Variants in CACNA2D2 observed in about 807,000 individuals in gnomAD.
CACNA2D2 encodes voltage-dependent calcium channel subunit alpha-2/delta-2.
In CACNA2D2, 48 loss-of-function variants were observed where a neutral mutation model predicts 166.4. That is an observed-to-expected ratio of 0.29 (90% CI 0.23 to 0.37). The LOEUF (loss-of-function observed/expected upper bound fraction) is 0.37, where lower values mean the gene tolerates loss of function less well. CACNA2D2 is among the 10% of genes least tolerant of loss of function. The probability of loss-of-function intolerance (pLI) is 1.00; values close to 1 mark genes in which losing one functional copy is unlikely to be tolerated. For synonymous variants in CACNA2D2, 561 were observed against 573.7 expected (o/e 0.98, Z 0.32); for missense variants, 1,122 against 1,433.0 (o/e 0.78, Z 3.50).
rs1410077672 is a variant in CACNA2D2, at chr3:50,434,376, C to G, written c.342G>C (p.Lys114Asn). Residue 114 changes from lysine to asparagine, a missense_variant, in exon 3 of 38, where the codon AAG (lysine) becomes AAC (asparagine). Lys to Asn is a moderately conservative substitution (Grantham distance 94). Transcript: ENST00000424201. ...LFEVQENEPQ[K>N]LVEKVAGDIE... is the part of the protein sequence containing the mutation. ...TGTCCCCTGCCACCTTCTCCACCAA[C>G]TTCTGAGGCTCATTCTCCTGTACCT... 18 of 1,614,220 alleles carry G rather than the reference C, an allele frequency of 1.1e-5. No individual in the cohort carries two copies. The highest frequency in any genetic ancestry group is 1.4e-5 in the Non-Finnish European group (17 of 1,180,034).
chr3:50,437,963 T>G (rs1018493327), intron 2 of CACNA2D2, among the ~76,000 whole-genome samples: 4 of 152,140 alleles, frequency 2.6e-5, no homozygotes, highest in African/African-American at 9.7e-5. Flanking sequence ...CAGCCCCACC[T>G]CTGCTGGACT....
chr3:50,370,589 G>C (rs368403850), intron 22 of CACNA2D2, among the ~76,000 whole-genome samples: 2 of 152,072 alleles, frequency 1.3e-5, no homozygotes, highest in Non-Finnish European at 2.9e-5. Context: ...CTACAGCATC[G>C]CAGGAGGAGG....
chr3:50,439,562 C>A (rs938269321), intron 2 of CACNA2D2, among the ~76,000 whole-genome samples: 2 of 152,240 alleles, frequency 1.3e-5, no homozygotes, highest in African/African-American at 2.4e-5. Context: ...ATCCCCTCAC[C>A]ACATTTCACC....
At chr3:50,454,768 C>T (rs559484569) in intron 2 of CACNA2D2, among the ~76,000 whole-genome samples, 1 of 152,280 alleles carries the variant, frequency 6.6e-6, no homozygotes, top group African/African-American at 2.4e-5. Context: ...CCCTGCTCCA[C>T]AGGGTGGCTG....
At chr3:50,416,171 A>T (rs1439215286) in intron 3 of CACNA2D2, 1 of 152,220 alleles carries the variant, frequency 6.6e-6, no homozygotes, top group Non-Finnish European at 1.5e-5. Context: ...GGGCTTGGAG[A>T]ATGGCCCATC....
chr3:50,476,275 G>A, intron 1 of CACNA2D2, 76 bp from the exon 2 acceptor site: 2 of 1,158,592 alleles, frequency 1.7e-6, no homozygotes, highest in Non-Finnish European at 2.5e-6. Context: ...CCAACCCGGG[G>A]GCACTGGGGG....
At chr3:50,438,630 G>T (rs772929817) in intron 2 of CACNA2D2, among the ~76,000 whole-genome samples, 3 of 152,190 alleles carry the variant, frequency 2.0e-5, no homozygotes, top group Admixed American at 6.5e-5. Context: ...CTGGGAGAGA[G>T]GAGTCCAACT....
intron 2 of CACNA2D2, among the ~76,000 whole-genome samples, chr3:50,449,409 C>A (rs994473406): frequency 6.6e-6 from 1 of 152,190 alleles, no homozygotes; most frequent in Non-Finnish European, 1.5e-5. Context: ...AGCAGTCGCC[C>A]AGGAGAGCTG....
intron 3 of CACNA2D2, among the ~76,000 whole-genome samples, chr3:50,406,697 T>A (rs1473956237): frequency 6.6e-6 from 1 of 151,702 alleles, no homozygotes; most frequent in Admixed American, 6.6e-5. Flanking sequence ...ACTTCCATCA[T>A]CACCATCTTC....
At chr3:50,384,131 C>T in intron 6 of CACNA2D2, 65 bp downstream of exon 6, 1 of 1,590,130 alleles carries the variant, frequency 6.3e-7, no homozygotes, top group South Asian at 1.1e-5. Flanking sequence ...CTCTGGAATG[C>T]CCTGGCAGTG....
intron 23 of CACNA2D2, 21 bp downstream of exon 23, chr3:50,370,299 G>A: frequency 6.4e-7 from 1 of 1,566,556 alleles, no homozygotes; most frequent in Non-Finnish European, 8.7e-7. Flanking sequence ...GGACACCTCA[G>A]CAAGGCCACA....
At chr3:50,448,411 G>GT (rs1420999918) in intron 2 of CACNA2D2, among the ~76,000 whole-genome samples, 1 of 152,186 alleles carries the variant, frequency 6.6e-6, no homozygotes, top group Non-Finnish European at 1.5e-5. Context: ...GTGCCTGAGT[G>GT]TATCTGTACA....
chr3:50,364,824 G>GAGCT lies in CACNA2D2; in HGVS notation c.3292-22_3292-19dup, dbSNP rs1325116442. The GAGCT allele has an allele frequency of 6.2e-7, 1 of 1,612,908 alleles. No homozygotes were observed. The highest frequency in any genetic ancestry group is 2.2e-5 in the East Asian group (1 of 44,850). On this transcript the variant is annotated intron_variant, in intron 37 of 37. Coordinates refer to ENST00000424201, the MANE Select transcript of CACNA2D2 (RefSeq NM_006030.4). ...GTATCTTCCTGCGGGGAGAGACAAG[G>GAGCT]AGCTGGTCGGCCTGGGCGGGCGCAA...
chr3:50,491,704 G>T (rs894330346), intron 1 of CACNA2D2, among the ~76,000 whole-genome samples: 1 of 152,242 alleles, frequency 6.6e-6, no homozygotes, highest in Non-Finnish European at 1.5e-5. Context: ...ACCCGGATCA[G>T]GGGAGGACTA....
At chr3:50,430,703 G>C (rs1382079015) in intron 3 of CACNA2D2, among the ~76,000 whole-genome samples, 4 of 152,204 alleles carry the variant, frequency 2.6e-5, no homozygotes, top group Admixed American at 6.5e-5. Context: ...ACCCAGCTGG[G>C]AGGGCAGGAG....
intron 1 of CACNA2D2, among the ~76,000 whole-genome samples, chr3:50,486,632 T>A (rs1698293136): frequency 6.6e-6 from 1 of 152,110 alleles, no homozygotes; most frequent in African/African-American, 2.4e-5. Flanking sequence ...TCTGGGCTTG[T>A]CCTTCCTCTA....
intron 3 of CACNA2D2, among the ~76,000 whole-genome samples, chr3:50,416,378 G>C (rs1371588274): frequency 6.6e-6 from 1 of 152,230 alleles, no homozygotes; most frequent in Non-Finnish European, 1.5e-5. Flanking sequence ...CAGAGGCCCG[G>C]CTGAGACCTC....
intron 3 of CACNA2D2, among the ~76,000 whole-genome samples, chr3:50,433,426 C>T (rs1359354634): frequency 6.6e-6 from 1 of 152,056 alleles, no homozygotes; most frequent in Non-Finnish European, 1.5e-5. Context: ...GTGGCATGAT[C>T]ATGGCCCACT....
chr3:50,390,265 C>T (rs1379849613), intron 4 of CACNA2D2, among the ~76,000 whole-genome samples: 1 of 152,154 alleles, frequency 6.6e-6, no homozygotes, highest in Non-Finnish European at 1.5e-5. Flanking sequence ...GTCCCAGTGG[C>T]CTGCTGAGGA....
Sources: allele counts gnomAD v4.1 joint callset (sites outside exome capture counted in the v4.1 genomes callset), GRCh38; gene constraint gnomAD v4.1.1; transcripts MANE v1.5; gene names NCBI Gene and HGNC (gene_info 2026-07-23, HGNC 2026-07-21).